Variants in ERAP1 observed in about 807,000 individuals in gnomAD.
The protein encoded by ERAP1 is endoplasmic reticulum aminopeptidase 1, also known as adipocyte-derived leucine aminopeptidase.
In ERAP1, 86 loss-of-function variants were observed where a neutral mutation model predicts 103.7. The ratio of observed to expected loss-of-function variants is 0.83; its 90% CI spans 0.70 to 0.99. The LOEUF is 0.99. ERAP1 is among the 50% of genes least tolerant of loss of function. The probability of loss-of-function intolerance (pLI) is 0.00; values close to 1 mark genes in which losing one functional copy is unlikely to be tolerated. For synonymous variants in ERAP1, 398 were observed against 402.4 expected (o/e 0.99, Z 0.13); for missense variants, 1,009 against 1,128.4 (o/e 0.89, Z 1.52).
At chr5:96,879,160 A>G in the ERAP1 span, among the ~76,000 whole-genome samples, 1 of 152,194 alleles carries the variant, frequency 6.6e-6, no homozygotes, top group Non-Finnish European at 1.5e-5. Flanking sequence ...TTGAGGCTGC[A>G]GTGAGCTGTG....
At chr5:96,786,633 T>C (rs1438198786) in intron 11 of ERAP1, 84 bp from the exon 12 acceptor site, 1 of 909,798 alleles carries the variant, frequency 1.1e-6, no homozygotes, top group Non-Finnish European at 1.8e-6. Context: ...TGCCAGGCAC[T>C]GGTTAGTTTA....
chr5:96,856,493 C>T, the ERAP1 span, among the ~76,000 whole-genome samples: 2 of 151,060 alleles, frequency 1.3e-5, no homozygotes, highest in African/African-American at 2.4e-5. Flanking sequence ...TTGACACCAA[C>T]CTCTGCTTTC....
chr5:96,868,086 AAAAC>A, the ERAP1 span, among the ~76,000 whole-genome samples: 577 of 152,264 alleles, frequency 3.8e-3, 5 homozygotes, highest in African/African-American at 0.012. Flanking sequence ...AAAAAAAAGA[AAAAC>A]AAACAAACAA....
Position 96,790,340 on chromosome 5 carries a change from T to C in ERAP1, c.1480A>G (p.Met494Val). ...SICPTDGVKGMDGFCSRSQHS... is the reference protein window; with the variant it reads ...SICPTDGVKGVDGFCSRSQHS... ...TGACTTCTAGAGCAAAAGCCATCCA[T>C]CCCTTTTACACCATCTGTAGGGCAA... The change falls in exon 10 of 19, where the codon ATG becomes GTG. Residue 494 changes from methionine to valine, a missense_variant. By Grantham distance (21) the Met-to-Val change is conservative. This residue lies in a region of ERAP1 where 611 missense variants were observed against 651.7 expected (regional missense o/e 0.94). Transcript: ENST00000443439. 6.2e-7 allele frequency: 1 copy of C among 1,614,070 alleles called. No individual in the cohort carries two copies. The highest frequency in any genetic ancestry group is 1.7e-5 in the Admixed American group (1 of 60,028).
At chr5:96,862,960 C>T in the ERAP1 span, among the ~76,000 whole-genome samples, 1 of 152,218 alleles carries the variant, frequency 6.6e-6, no homozygotes, top group Admixed American at 6.5e-5. Flanking sequence ...TTTACCCTCA[C>T]CCGTATCTGG....
At chr5:96,908,851 T>A in the ERAP1 span, 1 of 1,138,396 alleles carries the variant, frequency 8.8e-7, no homozygotes, top group Non-Finnish European at 1.2e-6. Flanking sequence ...ATGGCCCAGC[T>A]ATAATGACCT....
At chr5:96,874,899 A>G in the ERAP1 span, among the ~76,000 whole-genome samples, 1 of 152,218 alleles carries the variant, frequency 6.6e-6, no homozygotes, top group East Asian at 1.9e-4. Flanking sequence ...ATTTCACTTG[A>G]CAATAGAAAT....
chr5:96,796,300 GCA>G (rs1176729416), intron 4 of ERAP1, among the ~76,000 whole-genome samples: 2 of 152,130 alleles, frequency 1.3e-5, no homozygotes, highest in African/African-American at 4.8e-5. Context: ...CTGAGCTACG[GCA>G]CACAGTTGAA....
the ERAP1 span, chr5:96,886,867 T>C: frequency 2.4e-6 from 3 of 1,238,636 alleles, no homozygotes; most frequent in East Asian, 5.6e-5. Context: ...CTCATGTTTT[T>C]CATTGTTATC....
chr5:96,836,580 A>G, the ERAP1 span, among the ~76,000 whole-genome samples: 1 of 152,218 alleles, frequency 6.6e-6, no homozygotes, highest in Non-Finnish European at 1.5e-5. Context: ...ATAGGTCACT[A>G]TGTGATTTTT....
chr5:96,794,921 TGCTGGGGTTTTTGTG>T, intron 5 of ERAP1, 106 bp downstream of exon 5: 1 of 1,188,026 alleles, frequency 8.4e-7, no homozygotes, highest in Non-Finnish European at 1.2e-6. Flanking sequence ...GTTTGTCACT[TGCTGGGGTTTTTGTG>T]GCTTGAGGGG....
the ERAP1 span, among the ~76,000 whole-genome samples, chr5:96,925,643 G>A: frequency 6.6e-6 from 1 of 152,194 alleles, no homozygotes; most frequent in African/African-American, 2.4e-5. Context: ...TTGTTAACAA[G>A]CTCCTTCAAG....
chr5:96,861,145 A>T, the ERAP1 span, among the ~76,000 whole-genome samples: 17 of 152,292 alleles, frequency 1.1e-4, no homozygotes, highest in South Asian at 4.1e-4. Flanking sequence ...CAATTCCCAC[A>T]AATAAGGCAT....
the ERAP1 span, among the ~76,000 whole-genome samples, chr5:96,901,327 G>A: frequency 6.6e-6 from 1 of 152,136 alleles, no homozygotes; most frequent in African/African-American, 2.4e-5. Flanking sequence ...TTTGCAGAGA[G>A]CAGCCCTGGG....
chr5:96,762,828 A>G (rs1252269931), exon 20 of ERAP1: 4 of 307,922 alleles, frequency 1.3e-5, no homozygotes, highest in Non-Finnish European at 1.8e-5. Flanking sequence ...ACGTCATGGA[A>G]TAGCATTGTT....
At chr5:96,921,978 A>T in the ERAP1 span, among the ~76,000 whole-genome samples, 1 of 152,232 alleles carries the variant, frequency 6.6e-6, no homozygotes, top group South Asian at 2.1e-4. Context: ...TTTTTTTCTC[A>T]GTTTTAAAAC....
the ERAP1 span, among the ~76,000 whole-genome samples, chr5:96,891,643 GCACTTTTTCCCCCCACAA>G: frequency 3.3e-5 from 5 of 151,594 alleles, no homozygotes; most frequent in African/African-American, 1.2e-4. Flanking sequence ...TCATTAGATT[GCACTTTTTCCCCCCACAA>G]CACTTTCTTA....
the ERAP1 span, among the ~76,000 whole-genome samples, chr5:96,925,231 T>C: frequency 2.6e-5 from 4 of 152,266 alleles, no homozygotes; most frequent in African/African-American, 9.6e-5. Flanking sequence ...GTGCTTACTT[T>C]GTGCCAGTCT....
chr5:96,831,472 A>G, the ERAP1 span, among the ~76,000 whole-genome samples: 3 of 152,228 alleles, frequency 2.0e-5, no homozygotes, highest in African/African-American at 4.8e-5. Context: ...CCTTCAGCCC[A>G]TGATGTTCAA....
Sources: gnomAD v4.1 joint callset for allele counts (sites outside exome capture counted in the v4.1 genomes callset) on GRCh38, gnomAD v4.1.1 for gene constraint, gnomAD v4.1.1 regional missense constraint, MANE v1.5 for transcripts, NCBI Gene and HGNC (gene_info 2026-07-23, HGNC 2026-07-21) for gene names.